ITSN1: variants seen among roughly 807,000 people sequenced by gnomAD.
The protein encoded by ITSN1 is intersectin-1.
ITSN1 carries 58 observed loss-of-function variants against 239.8 expected under a neutral mutation model. The observed-to-expected ratio is 0.24, with a 90% CI of 0.20 to 0.30. ITSN1 has a LOEUF of 0.30. Among genes scored for constraint, ITSN1 ranks in the 10% least tolerant of loss-of-function variants. The pLI, the probability that ITSN1 is intolerant of heterozygous loss-of-function variation, is 1.00. For missense variants in ITSN1, 1,558 were observed against 2,103.3 expected, an observed-to-expected ratio of 0.74 and a Z score of 5.07; for synonymous variants, 780 against 770.8, an observed-to-expected ratio of 1.01 and a Z score of -0.20.
intron 1 of ITSN1, among the ~76,000 whole-genome samples, chr21:33,669,564 C>T (rs554039738): frequency 5.9e-4 from 90 of 152,016 alleles, no homozygotes; most frequent in African/African-American, 2.1e-3. Context: ...CTCAGCCGCC[C>T]GATTAGCTGG....
rs1569193949 is a variant in ITSN1 at position 33,794,785 on chromosome 21, AAC to A, written c.1952+319_1952+320del. 2.4e-4 allele frequency among the ~76,000 whole-genome samples: 34 copies of A among 144,624 alleles called. No individual in the cohort carries two copies. In the South Asian group the frequency reaches 7.5e-3, roughly 32 times the overall value. The allele number at this position is 144,624 out of a possible 152,430, so 94.9% of individuals were successfully genotyped here. ...AGTTCACAGCCTTTTACTAACAGCT[AAC>A]AGGGGTTGGAGTGCCTGGTTTAAAA... On this transcript the variant is annotated intron_variant, in intron 17 of 39. Coordinates refer to ENST00000381318, the MANE Select transcript of ITSN1 (RefSeq NM_003024.3).
At chr21:33,800,889 A>ACTGCACCCTCTGCCTCC (rs2071947416) in intron 19 of ITSN1, among the ~76,000 whole-genome samples, 1 of 144,024 alleles carries the variant, frequency 6.9e-6, no homozygotes, top group Non-Finnish European at 1.6e-5. Flanking sequence ...ATATTGGCTC[A>ACTGCACCCTCTGCCTCC]CTGCAACCTC....
intron 1 of ITSN1, among the ~76,000 whole-genome samples, chr21:33,677,570 C>T (rs1016481822): frequency 6.6e-6 from 1 of 152,122 alleles, no homozygotes; most frequent in Non-Finnish European, 1.5e-5. Context: ...AAACATCTGG[C>T]ATCAAGTGAT....
At chr21:33,775,486 G>C (rs549340688) in intron 14 of ITSN1, among the ~76,000 whole-genome samples, 2 of 152,210 alleles carry the variant, frequency 1.3e-5, no homozygotes, top group Non-Finnish European at 2.9e-5. Flanking sequence ...GAGAGTCCTA[G>C]GGATAGGAAA....
rs12627249 is a variant in ITSN1, at chr21:33,782,428, A to G, written c.1824+295A>G. Among the ~76,000 whole-genome samples, 146 of 152,264 alleles carry G rather than the reference A, an allele frequency of 9.6e-4. 3 individuals are homozygous for G. The East Asian group carries it at 0.025, about 27-fold the overall frequency. ...TGATTCCAAAAGCTTTATCTTTCTT[A>G]TGTTCTTTGAATACTACTAAAAGGG... On this transcript the variant is annotated intron_variant, in intron 16 of 39. Coordinates refer to ENST00000381318, the MANE Select transcript of ITSN1 (RefSeq NM_003024.3).
At chr21:33,732,413 C>T (rs1392832047) in intron 4 of ITSN1, among the ~76,000 whole-genome samples, 1 of 152,032 alleles carries the variant, frequency 6.6e-6, no homozygotes, top group Non-Finnish European at 1.5e-5. Flanking sequence ...GATGAGGGGT[C>T]CATTCAGATG....
At chr21:33,716,042 G>GGAGT (rs1477318672) in intron 1 of ITSN1, among the ~76,000 whole-genome samples, 1 of 152,150 alleles carries the variant, frequency 6.6e-6, no homozygotes, top group Non-Finnish European at 1.5e-5. Flanking sequence ...GTGAATGGAG[G>GGAGT]GAGTAGTAAC....
intron 22 of ITSN1, chr21:33,814,345 G>C (rs2073121717): frequency 2.5e-6 from 1 of 393,806 alleles, no homozygotes; most frequent in African/African-American, 2.0e-5. Flanking sequence ...TGACCAGTGG[G>C]TAAGATCTTA....
At chr21:33,790,772 T>A (rs1429439915) in intron 16 of ITSN1, among the ~76,000 whole-genome samples, 1 of 152,220 alleles carries the variant, frequency 6.6e-6, no homozygotes, top group African/African-American at 2.4e-5. Flanking sequence ...ATACTTTCAG[T>A]GTGGTGAAAT....
intron 1 of ITSN1, among the ~76,000 whole-genome samples, chr21:33,647,714 T>C (rs2088104785): frequency 6.6e-6 from 1 of 152,216 alleles, no homozygotes; most frequent in Admixed American, 6.5e-5. Context: ...CAGGCTGGTC[T>C]CATGCTCCTA....
At chr21:33,660,934 A>G (rs2089501736) in intron 1 of ITSN1, among the ~76,000 whole-genome samples, 1 of 152,208 alleles carries the variant, frequency 6.6e-6, no homozygotes, top group Non-Finnish European at 1.5e-5. Flanking sequence ...GAGTTATGTA[A>G]ATCTTACAAA....
At chr21:33,748,698 A>G (rs1388422049) in intron 5 of ITSN1, among the ~76,000 whole-genome samples, 1 of 149,436 alleles carries the variant, frequency 6.7e-6, no homozygotes, top group African/African-American at 2.5e-5. Flanking sequence ...AAAAAAAAAT[A>G]CACGTATATA....
chr21:33,884,923 C>A (rs1214112300), intron 36 of ITSN1, 118 bp from the exon 37 acceptor site: 5 of 716,282 alleles, frequency 7.0e-6, no homozygotes, highest in East Asian at 2.6e-5. Flanking sequence ...CTTTCCCGAG[C>A]CTTTGTTGTT....
intron 1 of ITSN1, among the ~76,000 whole-genome samples, chr21:33,657,233 G>A (rs748381290): frequency 6.6e-6 from 1 of 152,186 alleles, no homozygotes; most frequent in Non-Finnish European, 1.5e-5. Flanking sequence ...TGTGTACCCA[G>A]TGTTTAGTTC....
chr21:33,841,222 A>T (rs2074811694), intron 29 of ITSN1, among the ~76,000 whole-genome samples: 1 of 152,258 alleles, frequency 6.6e-6, no homozygotes, highest in African/African-American at 2.4e-5. Flanking sequence ...CGATTGGGTT[A>T]TCTATGCTTT....
In ITSN1 at chr21:33,888,389, A is replaced by G. The variant is rs552078061; in HGVS notation, c.*89A>G. The stretch of plus-strand genomic sequence containing the variant: ...TGTATTCCTTTTCTAAGAAACCACC[A>G]TTTGGTATTCAGTCACAGGGATATG... On this transcript the variant is annotated 3_prime_UTR_variant, in exon 40 of 40. Coordinates refer to ENST00000381318, the MANE Select transcript of ITSN1 (RefSeq NM_003024.3). The G allele has an allele frequency of 8.1e-6, 11 of 1,359,080 alleles. No individual in the cohort carries two copies. The highest frequency in any genetic ancestry group is 7.3e-5 in the African/African-American group (5 of 68,610). 84.2% of individuals were successfully genotyped at this position (1,359,080 alleles called of 1,614,324 possible).
chr21:33,741,656 G>T (rs905358465), intron 5 of ITSN1, among the ~76,000 whole-genome samples: 1 of 152,000 alleles, frequency 6.6e-6, no homozygotes, highest in East Asian at 1.9e-4. Context: ...ACTTTGGGGG[G>T]CCCAGGTGGG....
chr21:33,771,816 G>A (rs1045359735), intron 11 of ITSN1, among the ~76,000 whole-genome samples: 3 of 152,176 alleles, frequency 2.0e-5, no homozygotes, highest in African/African-American at 7.2e-5. Flanking sequence ...AAGGAGTCTG[G>A]ATGGTGATGT....
rs760611190 is a variant in ITSN1 at position 33,718,877 on chromosome 21, C to CT, written c.28+26dup. ...TGGTGGTAAGTTTTCAGAAATTTCTCTTTTTAATGTACTTTGGGACCAGAT... is the reference window on the plus strand; with the variant it reads ...TGGTGGTAAGTTTTCAGAAATTTCTCTTTTTTAATGTACTTTGGGACCAGAT... On this transcript the variant is annotated intron_variant, in intron 2 of 39. Coordinates refer to ENST00000381318, the MANE Select transcript of ITSN1 (RefSeq NM_003024.3). 4 of 1,604,366 alleles carry CT rather than the reference C, an allele frequency of 2.5e-6. No homozygotes were observed. The South Asian group carries it at 4.4e-5, about 18-fold the overall frequency.
Sources: allele counts gnomAD v4.1 joint callset (sites outside exome capture counted in the v4.1 genomes callset), GRCh38; gene constraint gnomAD v4.1.1; transcripts MANE v1.5; gene names NCBI Gene and HGNC (gene_info 2026-07-23, HGNC 2026-07-21).